The following ADAP1 variants were observed in gnomAD, a reference collection of about 807,000 sequenced individuals.
ADAP1 encodes the protein arf-GAP with dual PH domain-containing protein 1.
In ADAP1, 31 loss-of-function variants were observed where a neutral mutation model predicts 54.9. The ratio of observed to expected loss-of-function variants is 0.56; its 90% CI spans 0.42 to 0.76. The LOEUF is 0.76. ADAP1 is among the 30% of genes least tolerant of loss of function. ADAP1 has a pLI of 0.00. For synonymous variants in ADAP1, 313 were observed against 202.6 expected (o/e 1.55, Z -4.63); for missense variants, 535 against 512.4 (o/e 1.04, Z -0.42).
At position 954,426 on chromosome 7, in the gene ADAP1, T is replaced by A; in HGVS notation, c.52A>T (p.Asn18Tyr). 8.8e-7 allele frequency: 1 copy of A among 1,138,478 alleles called. No individual in the cohort carries two copies. The highest frequency in any genetic ancestry group is 1.1e-6 in the Non-Finnish European group (1 of 916,520). The allele number at this position is 1,138,478 out of a possible 1,614,324, so 70.5% of individuals were successfully genotyped here. ...GCGCCGCAGTCCGCGCAGCGCGCGTTCCCCGGCCGCTGCAGCAGCTCCAGG... is the reference window on the plus strand; with the variant it reads ...GCGCCGCAGTCCGCGCAGCGCGCGTACCCCGGCCGCTGCAGCAGCTCCAGG... ...AVLELLQRPG[N>Y]ARCADCGAPD... Residue 18 changes from asparagine to tyrosine, a missense_variant, in exon 1 of 11, where the codon AAC becomes TAC. Coordinates refer to ENST00000265846, the MANE Select transcript of ADAP1 (RefSeq NM_006869.4).
intron 2 of ADAP1, among the ~76,000 whole-genome samples, chr7:928,188 C>G (rs2128107165): frequency 6.6e-6 from 1 of 151,856 alleles, no homozygotes; most frequent in South Asian, 2.1e-4. Flanking sequence ...CCACTGAACT[C>G]CAGCCTGGGC....
At chr7:953,552 C>A (rs939856819) in intron 1 of ADAP1, among the ~76,000 whole-genome samples, 2 of 152,374 alleles carry the variant, frequency 1.3e-5, no homozygotes, top group Non-Finnish European at 2.9e-5. Context: ...GACTATTGGC[C>A]CCCAGATTCC....
chr7:920,195 C>A lies in ADAP1; in HGVS notation c.306-145G>T. 1 of 644,950 alleles carries A rather than the reference C, an allele frequency of 1.6e-6. No homozygotes were observed. The highest frequency in any genetic ancestry group is 2.7e-6 in the Non-Finnish European group (1 of 377,118). 40.0% of individuals were successfully genotyped at this position (644,950 alleles called of 1,614,324 possible). Reference sequence around the variant, plus strand: ...AGCCGCCCCTCTGGGCACAAGATCCCGGAAGAAATGCAGGGTCAGCCTCCT... The same window carrying A: ...AGCCGCCCCTCTGGGCACAAGATCCAGGAAGAAATGCAGGGTCAGCCTCCT... On this transcript the variant is annotated intron_variant, in intron 3 of 10. Transcript: ENST00000265846. This position sits in a 1 kb window ranked among gnomAD's most constrained non-coding sequence, Gnocchi z 4.5.
intron 2 of ADAP1, among the ~76,000 whole-genome samples, chr7:934,697 C>A (rs1185373008): frequency 6.6e-6 from 1 of 152,158 alleles, no homozygotes; most frequent in Non-Finnish European, 1.5e-5. Context: ...CCCTTCCTGC[C>A]GCCTCCAGCA....
chr7:935,333 C>T (rs1350727286), intron 2 of ADAP1, 42 bp downstream of exon 2: 1 of 1,543,406 alleles, frequency 6.5e-7, no homozygotes, highest in South Asian at 1.2e-5. Context: ...GCTGAGGCCA[C>T]CCGGGGACTG....
At chr7:902,253 G>GGT (rs1416268426) in intron 6 of ADAP1, among the ~76,000 whole-genome samples, 73 of 150,838 alleles carry the variant, frequency 4.8e-4, no homozygotes, top group African/African-American at 1.7e-3. Flanking sequence ...GAGGTCGGGA[G>GGT]CTCGAGACCA....
At chr7:919,135 A>G (rs1289735679) in intron 4 of ADAP1, among the ~76,000 whole-genome samples, 4 of 152,180 alleles carry the variant, frequency 2.6e-5, no homozygotes, top group Non-Finnish European at 5.9e-5. Context: ...CTGCCACCCG[A>G]GGGCCCCCAA....
Position 946,087 on chromosome 7 carries a change from G to GCC in ADAP1, c.82+8307_82+8308dup, listed in dbSNP as rs1452111310. On this transcript the variant is annotated intron_variant, in intron 1 of 10. Transcript: ENST00000265846. This position sits in a 1 kb window ranked among gnomAD's most constrained non-coding sequence, Gnocchi z 4.3. Reference sequence around the variant, plus strand: ...GTGCCCTTGTGGGAGGGGCTCCGGTGCCCACCACCCTTCACAGCTACGTGA... The same window carrying GCC: ...GTGCCCTTGTGGGAGGGGCTCCGGTGCCCCCACCACCCTTCACAGCTACGTGA... Among the ~76,000 whole-genome samples, 1 of 152,222 alleles carries GCC rather than the reference G, an allele frequency of 6.6e-6. No homozygotes were observed. The highest frequency in any genetic ancestry group is 1.5e-5 in the Non-Finnish European group (1 of 68,034).
chr7:930,839 C>T (rs959990694), intron 2 of ADAP1, among the ~76,000 whole-genome samples: 5 of 150,754 alleles, frequency 3.3e-5, no homozygotes, highest in African/African-American at 1.2e-4. Flanking sequence ...TAGCCAGGCA[C>T]GGTGGTGTAT....
Position 940,106 on chromosome 7 carries a change from C to T in ADAP1, c.83-4601G>A, listed in dbSNP as rs114053805. On this transcript the variant is annotated intron_variant, in intron 1 of 10. Coordinates refer to ENST00000265846, the MANE Select transcript of ADAP1 (RefSeq NM_006869.4). ...CTTGGTATTTGTGTGTGAGCATATA[C>T]ATACGTGCGTGCATACCCACAGACA... Among the ~76,000 whole-genome samples the T allele has an allele frequency of 4.4e-3, 674 of 152,208 alleles. 5 individuals carry two copies. Among genetic ancestry groups the T allele is most frequent in the African/African-American group, 0.015 (638 of 41,524 alleles).
intron 2 of ADAP1, among the ~76,000 whole-genome samples, chr7:931,372 C>A (rs1215637687): frequency 6.6e-6 from 1 of 152,188 alleles, no homozygotes; most frequent in South Asian, 2.1e-4. Flanking sequence ...CGTGTTCCAT[C>A]CACACAAGGC....
At chr7:949,815 C>A (rs1239486522) in intron 1 of ADAP1, among the ~76,000 whole-genome samples, 6 of 152,234 alleles carry the variant, frequency 3.9e-5, no homozygotes, top group Non-Finnish European at 7.3e-5. Flanking sequence ...GGCAGGCAGG[C>A]AGGAAGCGGG....
rs1488639526 is a variant in ADAP1 at position 937,501 on chromosome 7, G to A, written c.83-1996C>T. On this transcript the variant is annotated intron_variant, in intron 1 of 10. Transcript: ENST00000265846. Reference sequence around the variant, plus strand: ...CCTCTGGGATTTGGAGGTCATGCCCGGCCTCTGGGATTTGGAGGTCATGCC... The same window carrying A: ...CCTCTGGGATTTGGAGGTCATGCCCAGCCTCTGGGATTTGGAGGTCATGCC... 7.3e-5 allele frequency among the ~76,000 whole-genome samples: 2 copies of A among 27,228 alleles called. 1 individual carries two copies. 17.9% of individuals were successfully genotyped at this position (27,228 alleles called of 152,430 possible). A position where few individuals can be genotyped will look rare whatever the true frequency, so the allele number is the denominator to read the frequency against.
chr7:918,639 A>T (rs1312583444), intron 4 of ADAP1, among the ~76,000 whole-genome samples: 1 of 152,124 alleles, frequency 6.6e-6, no homozygotes, highest in Non-Finnish European at 1.5e-5. Context: ...AAACATCCCC[A>T]TCCAGCCTTT....
At chr7:902,394 G>A (rs1396892900) in intron 6 of ADAP1, among the ~76,000 whole-genome samples, 1 of 147,860 alleles carries the variant, frequency 6.8e-6, no homozygotes, top group Non-Finnish European at 1.5e-5. Flanking sequence ...GGAGGCAAAG[G>A]TTGCAGTGAG....
intron 5 of ADAP1, among the ~76,000 whole-genome samples, chr7:904,559 G>C (rs942207090): frequency 3.9e-5 from 6 of 152,168 alleles, no homozygotes; most frequent in Admixed American, 3.9e-4. Context: ...CGGCACGGCA[G>C]CTCCCACAGG....
intron 4 of ADAP1, among the ~76,000 whole-genome samples, chr7:913,679 A>C (rs1021764403): frequency 2.6e-5 from 4 of 152,034 alleles, no homozygotes; most frequent in African/African-American, 9.7e-5. Context: ...TCACGCCTAT[A>C]ATCTCAGCAC....
intron 1 of ADAP1, among the ~76,000 whole-genome samples, chr7:953,346 G>A (rs1205913061): frequency 1.3e-5 from 2 of 152,228 alleles, no homozygotes; most frequent in Non-Finnish European, 2.9e-5. Flanking sequence ...AGCTGCAGCT[G>A]GACAGCAGCC....
Position 899,503 on chromosome 7 carries a change from G to A in ADAP1, c.796-13C>T. The A allele has an allele frequency of 1.2e-6, 2 of 1,611,850 alleles. No individual in the cohort carries two copies. Among genetic ancestry groups the A allele is most frequent in the Non-Finnish European group, 1.7e-6 (2 of 1,179,400 alleles). ...AGCCTTCCGTTTGCTGTGGGTCAGA[G>A]AGGGCCCGTGACCGGCAGGTCGCCG... On this transcript the variant is annotated splice_polypyrimidine_tract_variant and intron_variant, in intron 8 of 10. Coordinates refer to ENST00000265846, the MANE Select transcript of ADAP1 (RefSeq NM_006869.4).
Sources: allele counts gnomAD v4.1 joint callset (sites outside exome capture counted in the v4.1 genomes callset), GRCh38; gene constraint gnomAD v4.1.1; non-coding constraint Gnocchi (gnomAD v3.1); transcripts MANE v1.5; gene names NCBI Gene and HGNC (gene_info 2026-07-23, HGNC 2026-07-21).